ITFG1: variants seen among roughly 807,000 people sequenced by gnomAD.
The protein encoded by ITFG1 is T-cell immunomodulatory protein.
In ITFG1, 34 loss-of-function variants were observed where a neutral mutation model predicts 81.8. The observed-to-expected ratio is 0.42, with a 90% CI of 0.32 to 0.55. ITFG1 has a LOEUF of 0.55. Ranked by LOEUF, ITFG1 falls within the 20% of genes least tolerant of loss-of-function variation. The pLI is 0.17. For synonymous variants in ITFG1, 285 were observed against 270.6 expected (o/e 1.05, Z -0.52); for missense variants, 672 against 755.4 (o/e 0.89, Z 1.29).
intron 10 of ITFG1, among the ~76,000 whole-genome samples, chr16:47,282,983 C>A (rs539627951): frequency 1.3e-5 from 2 of 151,834 alleles, no homozygotes; most frequent in Non-Finnish European, 2.9e-5. Flanking sequence ...GGATATTAAC[C>A]CTTTGTCAGA....
At chr16:47,248,005 T>C (rs1405152001) in intron 12 of ITFG1, among the ~76,000 whole-genome samples, 2 of 152,224 alleles carry the variant, frequency 1.3e-5, no homozygotes, top group African/African-American at 4.8e-5. Context: ...AAGCTAATTT[T>C]CTGCATTCTC....
At position 47,435,445 on chromosome 16, in the gene ITFG1, C is replaced by T. The variant is rs73543139; in HGVS notation, c.561-6547G>A. On this transcript the variant is annotated intron_variant, in intron 5 of 17. Transcript: ENST00000320640. ...TGACCTCTGTAGAAAATTCCAATTA[C>T]TAGCTTTTCCCGCACAAGAAACAAA... Among the ~76,000 whole-genome samples, 127 of 152,292 alleles carry T rather than the reference C, an allele frequency of 8.3e-4. 1 individual carries two copies. The highest frequency in any genetic ancestry group is 3.0e-3 in the African/African-American group (125 of 41,560).
intron 8 of ITFG1, among the ~76,000 whole-genome samples, chr16:47,334,488 G>A (rs1411201274): frequency 6.6e-6 from 1 of 152,170 alleles, no homozygotes; most frequent in Non-Finnish European, 1.5e-5. Context: ...AAATATAGGA[G>A]CAGTGAACGC....
intron 8 of ITFG1, among the ~76,000 whole-genome samples, chr16:47,346,705 T>A (rs1383704972): frequency 6.6e-6 from 1 of 152,112 alleles, no homozygotes; most frequent in African/African-American, 2.4e-5. Flanking sequence ...CCTACCAAGA[T>A]TGAATCATGA....
At chr16:47,335,094 T>A (rs1440956140) in intron 8 of ITFG1, among the ~76,000 whole-genome samples, 1 of 152,200 alleles carries the variant, frequency 6.6e-6, no homozygotes, top group Non-Finnish European at 1.5e-5. Context: ...CAGTGGCTCA[T>A]GCCAGTAAAC....
intron 14 of ITFG1, among the ~76,000 whole-genome samples, chr16:47,212,417 A>G (rs930662478): frequency 2.0e-5 from 3 of 151,438 alleles, no homozygotes; most frequent in Non-Finnish European, 4.4e-5. Context: ...GGATCTCACT[A>G]TATTGCCTGG....
intron 6 of ITFG1, among the ~76,000 whole-genome samples, chr16:47,391,116 C>T (rs560568660): frequency 6.6e-6 from 1 of 151,774 alleles, no homozygotes; most frequent in Non-Finnish European, 1.5e-5. Flanking sequence ...TACAGGTGCA[C>T]GGAGAACCCA....
chr16:47,261,177 T>C (rs1046561626), intron 10 of ITFG1, among the ~76,000 whole-genome samples: 12 of 152,234 alleles, frequency 7.9e-5, no homozygotes, highest in Non-Finnish European at 7.3e-5. Flanking sequence ...GCATCATACG[T>C]TGCATAGCCA....
intron 10 of ITFG1, among the ~76,000 whole-genome samples, chr16:47,261,364 C>T (rs1254697700): frequency 6.6e-6 from 1 of 152,136 alleles, no homozygotes; most frequent in Non-Finnish European, 1.5e-5. Flanking sequence ...AATAAGAGTA[C>T]TTAGAGCATA....
intron 8 of ITFG1, among the ~76,000 whole-genome samples, chr16:47,358,717 T>C (rs1260807303): frequency 6.6e-6 from 1 of 152,246 alleles, no homozygotes; most frequent in Non-Finnish European, 1.5e-5. Flanking sequence ...ATTTTCAATG[T>C]TAATACTGAA....
chr16:47,312,884 T>C (rs1042503303), intron 9 of ITFG1: 8 of 152,218 alleles, frequency 5.3e-5, no homozygotes, highest in African/African-American at 7.2e-5. Context: ...AGTCTGTCGA[T>C]AGGCAATAAT....
chr16:47,460,767 G>A (rs1969524015), intron 1 of ITFG1, 71 bp downstream of exon 1: 1 of 1,513,798 alleles, frequency 6.6e-7, no homozygotes, highest in Non-Finnish European at 9.1e-7. Context: ...CGGCCATTGG[G>A]CAATGGGTTT....
chr16:47,423,251 ATTTT>A (rs748793229), intron 6 of ITFG1, among the ~76,000 whole-genome samples: 10 of 118,300 alleles, frequency 8.5e-5, no homozygotes, highest in Admixed American at 4.3e-4. Flanking sequence ...GCAATCCCTG[ATTTT>A]TTTTTTTTTT....
chr16:47,392,006 A>G (rs1968537577), intron 6 of ITFG1, among the ~76,000 whole-genome samples: 1 of 152,206 alleles, frequency 6.6e-6, no homozygotes, highest in Non-Finnish European at 1.5e-5. Flanking sequence ...TTATTTTTAC[A>G]TATAAGTAAG....
intron 14 of ITFG1, among the ~76,000 whole-genome samples, chr16:47,212,256 C>T (rs1334742572): frequency 6.6e-6 from 1 of 152,012 alleles, no homozygotes; most frequent in Non-Finnish European, 1.5e-5. Context: ...CTGTGTCACC[C>T]AGGTTAGAGT....
intron 9 of ITFG1, chr16:47,312,232 C>A (rs1967276670): frequency 1.3e-5 from 2 of 152,166 alleles, no homozygotes; most frequent in Non-Finnish European, 2.9e-5. Context: ...CAATTTGCTG[C>A]ATATGAATGC....
chr16:47,162,799 G>A, intron 14 of ITFG1, 135 bp from the exon 15 acceptor site: 1 of 730,876 alleles, frequency 1.4e-6, no homozygotes, highest in East Asian at 3.0e-5. Flanking sequence ...GAAAGATACA[G>A]GTCATTAATA....
In ITFG1 at chr16:47,439,004, C is replaced by T. The variant is rs781268843; in HGVS notation, c.561-10106G>A. ...GAAGCCCTTAAAGGACCTGACAGAG[C>T]TGAAAACCACGGCACGAGAACTACG... On this transcript the variant is annotated intron_variant, in intron 5 of 17. Transcript: ENST00000320640. Among the ~76,000 whole-genome samples, 66 of 152,156 alleles carry T rather than the reference C, an allele frequency of 4.3e-4. 1 individual carries two copies. The highest frequency in any genetic ancestry group is 1.6e-4 in the Non-Finnish European group (11 of 68,030).
At chr16:47,359,180 T>C (rs1317608703) in intron 8 of ITFG1, among the ~76,000 whole-genome samples, 3 of 152,204 alleles carry the variant, frequency 2.0e-5, no homozygotes, top group Admixed American at 6.5e-5. Flanking sequence ...CAGGATGCTT[T>C]GGACATGCGC....
Sources: gnomAD v4.1 joint callset for allele counts (sites outside exome capture counted in the v4.1 genomes callset) on GRCh38, gnomAD v4.1.1 for gene constraint, MANE v1.5 for transcripts, NCBI Gene and HGNC (gene_info 2026-07-23, HGNC 2026-07-21) for gene names.